Variants in MAPRE2 observed in about 807,000 individuals in gnomAD.
The protein encoded by MAPRE2 is microtubule-associated protein RP/EB family member 2.
Under a neutral mutation model 43.2 loss-of-function variants are expected in MAPRE2, and 13 were observed. The observed-to-expected ratio is 0.30, with a 90% CI of 0.20 to 0.48. The LOEUF (loss-of-function observed/expected upper bound fraction) is 0.48, where lower values mean the gene tolerates loss of function less well. Among genes scored for constraint, MAPRE2 ranks in the 20% least tolerant of loss-of-function variants. The pLI is 0.99. For synonymous variants in MAPRE2, 135 were observed against 148.8 expected, an observed-to-expected ratio of 0.91 and a Z score of 0.68; for missense variants, 161 against 400.2, an observed-to-expected ratio of 0.40 and a Z score of 5.10.
chr18:35,078,313 C>T (rs1008904520), intron 2 of MAPRE2, among the ~76,000 whole-genome samples: 4 of 152,134 alleles, frequency 2.6e-5, no homozygotes, highest in African/African-American at 9.7e-5. Context: ...TGTTTTGCAT[C>T]TGAAACAGTC....
chr18:35,100,479 G>A (rs1394659424), intron 3 of MAPRE2, among the ~76,000 whole-genome samples: 1 of 152,136 alleles, frequency 6.6e-6, no homozygotes. Flanking sequence ...ACCCAAAAGA[G>A]TAGAAATCGT....
chr18:35,122,769 C>T (rs1222572709), intron 4 of MAPRE2, among the ~76,000 whole-genome samples: 3 of 152,138 alleles, frequency 2.0e-5, no homozygotes, highest in Admixed American at 1.3e-4. Flanking sequence ...GTGTGTGTGC[C>T]AGTGGGAAAG....
chr18:34,978,634 T>G (rs2097014487), intron 1 of MAPRE2: 1 of 1,086,396 alleles, frequency 9.2e-7, no homozygotes, highest in East Asian at 2.6e-5. Context: ...GGCTCTTGGT[T>G]AGCCAGTGTC....
At chr18:35,011,861 G>T (rs1339673737) in intron 2 of MAPRE2, among the ~76,000 whole-genome samples, 1 of 152,146 alleles carries the variant, frequency 6.6e-6, no homozygotes, top group East Asian at 1.9e-4. Context: ...TGTGTTAAAT[G>T]CTGTTTCAGT....
intron 2 of MAPRE2, among the ~76,000 whole-genome samples, chr18:35,029,342 C>G (rs1274024647): frequency 6.6e-6 from 1 of 152,202 alleles, no homozygotes; most frequent in Non-Finnish European, 1.5e-5. Flanking sequence ...GAGGAGCCAT[C>G]CAGAAGCCAT....
chr18:35,023,583 A>G (rs1452915734), intron 2 of MAPRE2, among the ~76,000 whole-genome samples: 1 of 151,030 alleles, frequency 6.6e-6, no homozygotes, highest in Admixed American at 6.6e-5. Flanking sequence ...AAGGAAGGGG[A>G]ATAGAAGTAG....
At chr18:34,999,284 T>A (rs2097028158) in intron 1 of MAPRE2, among the ~76,000 whole-genome samples, 1 of 152,224 alleles carries the variant, frequency 6.6e-6, no homozygotes, top group Admixed American at 6.5e-5. Context: ...TAGAAACACT[T>A]TACAGAACTA....
chr18:35,021,872 G>A (rs1474705865), intron 2 of MAPRE2, among the ~76,000 whole-genome samples: 5 of 152,042 alleles, frequency 3.3e-5, no homozygotes, highest in African/African-American at 1.2e-4. Flanking sequence ...TGACCACGAT[G>A]AATTTAAAAA....
chr18:35,024,767 C>T (rs557196036), intron 2 of MAPRE2, among the ~76,000 whole-genome samples: 8 of 152,270 alleles, frequency 5.3e-5, no homozygotes, highest in African/African-American at 1.7e-4. Context: ...GGCAACATCT[C>T]TCATTGCTAT....
At chr18:35,125,177 G>C (rs1169533828) in intron 4 of MAPRE2, among the ~76,000 whole-genome samples, 1 of 152,104 alleles carries the variant, frequency 6.6e-6, no homozygotes, top group African/African-American at 2.4e-5. Flanking sequence ...GCTTCTAGGG[G>C]GTGTGACTTG....
intron 2 of MAPRE2, among the ~76,000 whole-genome samples, chr18:35,084,937 C>G (rs1010049844): frequency 6.6e-6 from 1 of 152,062 alleles, no homozygotes; most frequent in African/African-American, 2.4e-5. Flanking sequence ...CCAAAGTTCC[C>G]CTTAACAGAC....
chr18:35,044,061 G>T (rs1454156412), intron 1 of MAPRE2, among the ~76,000 whole-genome samples: 2 of 152,134 alleles, frequency 1.3e-5, no homozygotes, highest in Non-Finnish European at 2.9e-5. Context: ...TATAGGTTTG[G>T]TATGGCCCTC....
At chr18:35,130,989 AAG>A (rs1200477910) in intron 5 of MAPRE2, among the ~76,000 whole-genome samples, 2 of 152,180 alleles carry the variant, frequency 1.3e-5, no homozygotes, top group Non-Finnish European at 2.9e-5. Context: ...GAGGGGAAGA[AAG>A]AGGAATGAGG....
intron 1 of MAPRE2, among the ~76,000 whole-genome samples, chr18:35,057,908 A>G (rs1906320863): frequency 2.0e-5 from 3 of 152,196 alleles, no homozygotes; most frequent in African/African-American, 7.2e-5. Context: ...TTAGCTGAAC[A>G]TCGTTTATCT....
At position 35,142,022 on chromosome 18, in the gene MAPRE2, C is replaced by T. The variant is rs1051474567; in HGVS notation, c.*1653C>T. ...TTGTATTTTTCAGATTATTACAACA[C>T]ACTGTGCAGAATTAGACAGATGTTC... On this transcript the variant is annotated 3_prime_UTR_variant, in exon 7 of 7. Coordinates refer to ENST00000300249, the MANE Select transcript of MAPRE2 (RefSeq NM_014268.4). 1.3e-5 allele frequency: 2 copies of T among 152,230 alleles called. No homozygotes were observed. Among genetic ancestry groups the T allele is most frequent in the Non-Finnish European group, 1.5e-5 (1 of 68,034 alleles). The allele number at this position is 152,230 out of a possible 1,614,324, so 9.4% of individuals were successfully genotyped here. A position where few individuals can be genotyped will look rare whatever the true frequency, so the allele number is the denominator to read the frequency against.
At chr18:35,019,888 C>T (rs2097040853) in intron 2 of MAPRE2, among the ~76,000 whole-genome samples, 3 of 152,156 alleles carry the variant, frequency 2.0e-5, no homozygotes, top group Admixed American at 2.0e-4. Context: ...ACCTTTTTCA[C>T]ATGTATAATT....
intron 1 of MAPRE2, among the ~76,000 whole-genome samples, chr18:35,045,233 C>T (rs1481925740): frequency 6.6e-6 from 1 of 152,184 alleles, no homozygotes; most frequent in Admixed American, 6.5e-5. Flanking sequence ...GCGAATGAGT[C>T]GTGCTCTGGA....
At chr18:35,136,690 G>T (rs1386365440) in intron 6 of MAPRE2, among the ~76,000 whole-genome samples, 1 of 152,176 alleles carries the variant, frequency 6.6e-6, no homozygotes, top group Non-Finnish European at 1.5e-5. Flanking sequence ...AAGGCTGCAG[G>T]GTGGTGCCTT....
chr18:35,001,909 G>T (rs2097029579), intron 1 of MAPRE2, among the ~76,000 whole-genome samples: 1 of 152,136 alleles, frequency 6.6e-6, no homozygotes. Context: ...AGATGTAATT[G>T]TAAGAAATAA....
Sources: gnomAD v4.1 joint callset for allele counts (sites outside exome capture counted in the v4.1 genomes callset) on GRCh38, gnomAD v4.1.1 for gene constraint, MANE v1.5 for transcripts, NCBI Gene and HGNC (gene_info 2026-07-23, HGNC 2026-07-21) for gene names.